The following ASB3 variants were observed in gnomAD, a reference collection of about 807,000 sequenced individuals.
ASB3 encodes ankyrin repeat and SOCS box protein 3.
A neutral mutation model predicts 54.5 loss-of-function variants in ASB3; 41 were observed. That is an observed-to-expected ratio of 0.75 (90% CI 0.59 to 0.98). The LOEUF is 0.98. ASB3 is among the 50% of genes least tolerant of loss of function. ASB3 has a pLI of 0.00. For synonymous variants in ASB3, 266 were observed against 221.2 expected, an observed-to-expected ratio of 1.20 and a Z score of -1.80; for missense variants, 733 against 620.0, an observed-to-expected ratio of 1.18 and a Z score of -1.94.
At chr2:53,729,309 C>T (rs1671173408) in intron 4 of ASB3, 149 bp downstream of exon 4, 1 of 676,202 alleles carries the variant, frequency 1.5e-6, no homozygotes, top group Non-Finnish European at 2.4e-6. Flanking sequence ...GATTCAGAAT[C>T]ATCATTAGCA....
chr2:53,683,336 TCTTTTAAATG>T (rs141828477), intron 9 of ASB3, among the ~76,000 whole-genome samples: 4,475 of 152,310 alleles, frequency 0.029, 225 homozygotes, highest in African/African-American at 0.1. Flanking sequence ...TGACGAATGA[TCTTTTAAATG>T]TGTTGTAGAA....
At chr2:53,764,565 C>G (rs1242706159) in intron 2 of ASB3, among the ~76,000 whole-genome samples, 1 of 152,158 alleles carries the variant, frequency 6.6e-6, no homozygotes, top group African/African-American at 2.4e-5. Flanking sequence ...CTTCCTACCC[C>G]CTCTATACTA....
chr2:53,728,812 T>G lies in ASB3; in HGVS notation c.504A>C (p.Lys168Asn). The G allele has an allele frequency of 2.5e-6, 4 of 1,611,850 alleles. No individual in the cohort carries two copies. Among genetic ancestry groups the G allele is most frequent in the Non-Finnish European group, 3.4e-6 (4 of 1,178,822 alleles). The change falls in exon 5 of 10, where the codon AAA becomes AAC. Residue 168 changes from lysine (K) to asparagine (N), a missense_variant. By Grantham distance (94) the Lys-to-Asn change is moderately conservative (BLOSUM62 0). Transcript: ENST00000263634. ...CATCCTGGCATTCCTTGTTTGCTCC[T>G]TTTCTAAGAAGCAATTTTATGATCT... ...NAEIIKLLLRKGANKECQDDF... is the reference protein window; with the variant it reads ...NAEIIKLLLRNGANKECQDDF...
chr2:53,730,977 G>C (rs1671274164), intron 3 of ASB3, among the ~76,000 whole-genome samples: 1 of 152,154 alleles, frequency 6.6e-6, no homozygotes, highest in African/African-American at 2.4e-5. Context: ...ATCCTTAAAA[G>C]TGTAAAACAA....
chr2:53,770,360 G>T (rs980223535), intron 1 of ASB3, among the ~76,000 whole-genome samples: 1 of 152,082 alleles, frequency 6.6e-6, no homozygotes, highest in African/African-American at 2.4e-5. Flanking sequence ...CAAATGCCTG[G>T]ATGATTTAGG....
intron 9 of ASB3, among the ~76,000 whole-genome samples, chr2:53,683,569 A>G (rs1028250149): frequency 3.3e-5 from 5 of 152,038 alleles, no homozygotes; most frequent in African/African-American, 9.7e-5. Context: ...TCTTCTTTAA[A>G]TATTTGGTAA....
At position 53,670,514 on chromosome 2, in the gene ASB3, G is replaced by T; in HGVS notation, c.1546C>A (p.Gln516Lys). The T allele has an allele frequency of 1.2e-6, 2 of 1,613,418 alleles. No individual in the cohort carries two copies. Among genetic ancestry groups the T allele is most frequent in the South Asian group, 1.1e-5 (1 of 90,978 alleles). The change falls in exon 10 of 10, where the codon CAA becomes AAA. Residue 516 changes from glutamine to lysine, a missense_variant. Transcript: ENST00000263634. ...GTAGTTTCACTGATTTATCCATCTTGAATAGCTGCCAGTTCTGGAACTTCA... is the reference window on the plus strand; with the variant it reads ...GTAGTTTCACTGATTTATCCATCTTTAATAGCTGCCAGTTCTGGAACTTCA... ...MYEVPELAAI[Q>K]DG
intron 2 of ASB3, 92 bp downstream of exon 2, chr2:53,765,285 A>C: frequency 6.6e-7 from 1 of 1,518,836 alleles, no homozygotes; most frequent in Non-Finnish European, 8.9e-7. Context: ...AAGGGAAACA[A>C]ATACTACTGT....
At chr2:53,741,052 C>T (rs551784178) in intron 3 of ASB3, among the ~76,000 whole-genome samples, 4 of 152,136 alleles carry the variant, frequency 2.6e-5, no homozygotes, top group Non-Finnish European at 5.9e-5. Flanking sequence ...ATTCTCCTTA[C>T]TAGATCCACC....
At chr2:53,746,376 A>G (rs1672223162) in intron 3 of ASB3, among the ~76,000 whole-genome samples, 1 of 152,054 alleles carries the variant, frequency 6.6e-6, no homozygotes, top group African/African-American at 2.4e-5. Flanking sequence ...AGACACTGAC[A>G]CCCATATTAT....
chr2:53,682,634 G>A (rs1245725788), intron 9 of ASB3, among the ~76,000 whole-genome samples: 1 of 151,814 alleles, frequency 6.6e-6, no homozygotes, highest in East Asian at 1.9e-4. Flanking sequence ...CTACCACCAC[G>A]CCCGGCTAAT....
chr2:53,761,972 T>A (rs1478018049), intron 2 of ASB3, among the ~76,000 whole-genome samples: 2 of 152,204 alleles, frequency 1.3e-5, no homozygotes, highest in East Asian at 3.8e-4. Flanking sequence ...ATCTCTACCA[T>A]GAAATACTAC....
chr2:53,753,652 G>GTT (rs201461638), intron 2 of ASB3, among the ~76,000 whole-genome samples: 6,520 of 144,726 alleles, frequency 0.045, 229 homozygotes, highest in South Asian at 0.11. Flanking sequence ...CTTTCTTTCT[G>GTT]TTTTTTTTTT....
At chr2:53,765,255 A>C in intron 2 of ASB3, 122 bp downstream of exon 2, 1 of 1,329,684 alleles carries the variant, frequency 7.5e-7, no homozygotes, top group Non-Finnish European at 1.0e-6. Context: ...AAATTCAGGC[A>C]GTTATTTTAT....
chr2:53,706,327 C>G (rs1487076126), intron 7 of ASB3, among the ~76,000 whole-genome samples: 1 of 152,110 alleles, frequency 6.6e-6, no homozygotes, highest in Non-Finnish European at 1.5e-5. Flanking sequence ...ATTTTTAATG[C>G]CTAATAGGAG....
chr2:53,711,820 A>G (rs1459377918), intron 7 of ASB3, among the ~76,000 whole-genome samples: 1 of 151,748 alleles, frequency 6.6e-6, no homozygotes, highest in Non-Finnish European at 1.5e-5. Flanking sequence ...CATGTGGGTC[A>G]CTTCACCAAG....
rs770889541 is a variant in ASB3 at position 53,767,927 on chromosome 2, A to G, written c.-13-2342T>C. ...TACGGGTCCCTGATCTGGAAGGTGG[A>G]TTTCCCCTATCAGGACAAGCTGGTC... On this transcript the variant is annotated intron_variant, in intron 1 of 9. Transcript: ENST00000263634. 3 of 1,613,940 alleles carry G rather than the reference A, an allele frequency of 1.9e-6. 1 individual carries two copies. In the Admixed American group the frequency reaches 5.0e-5, roughly 27 times the overall value.
chr2:53,785,301 T>C (rs1348829747), intron 1 of ASB3, among the ~76,000 whole-genome samples: 3 of 152,218 alleles, frequency 2.0e-5, no homozygotes, highest in Non-Finnish European at 4.4e-5. Flanking sequence ...ATCAGCTCTA[T>C]TGAACACAGA....
intron 1 of ASB3, chr2:53,768,263 G>A (rs962485114): frequency 2.0e-5 from 9 of 457,920 alleles, no homozygotes; most frequent in South Asian, 1.4e-4. Flanking sequence ...GGCGAGAAGC[G>A]CGGGCACAGG....
Sources: allele counts gnomAD v4.1 joint callset (sites outside exome capture counted in the v4.1 genomes callset), GRCh38; gene constraint gnomAD v4.1.1; transcripts MANE v1.5; gene names NCBI Gene and HGNC (gene_info 2026-07-23, HGNC 2026-07-21).